PI4KA: variants seen among roughly 807,000 people sequenced by gnomAD.
The protein encoded by PI4KA is PI4-kinase alpha.
In PI4KA, 122 loss-of-function variants were observed where a neutral mutation model predicts 271.4. That is an observed-to-expected ratio of 0.45 (90% CI 0.39 to 0.52). PI4KA has a LOEUF of 0.52. Ranked by LOEUF, PI4KA falls within the 20% of genes least tolerant of loss-of-function variation. The pLI is 0.00. For missense variants in PI4KA, 1,969 were observed against 2,769.1 expected (o/e 0.71, Z 6.48); for synonymous variants, 1,041 against 1,078.8 (o/e 0.96, Z 0.69).
Position 20,734,507 on chromosome 22 carries a change from T to A in PI4KA, c.3788A>T (p.Lys1263Ile). The stretch of plus-strand genomic sequence containing the variant: ...TATCTCAGCAGAAAACAGGCCAAAT[T>A]TCTGCTCCACCGTCATGTGCCAGGC... ...AGAWHMTVEQ[K>I]FGLFSAEIKE... The change falls in exon 33 of 55, where the codon AAA becomes ATA. Residue 1263 changes from lysine to isoleucine, a missense_variant. Physicochemically the swap from Lys to Ile is moderately radical, Grantham distance 102. Transcript: ENST00000255882. 1.9e-6 allele frequency: 3 copies of A among 1,613,850 alleles called. No homozygotes were observed. Among genetic ancestry groups the A allele is most frequent in the Non-Finnish European group, 2.5e-6 (3 of 1,179,848 alleles).
At chr22:20,728,712 G>C (rs755560440) in intron 39 of PI4KA, among the ~76,000 whole-genome samples, 2 of 152,226 alleles carry the variant, frequency 1.3e-5, no homozygotes, top group African/African-American at 4.8e-5. Context: ...GCTGGAGAGA[G>C]GATGCAGTAC....
chr22:20,785,541 A>G (rs1934150153), intron 19 of PI4KA, among the ~76,000 whole-genome samples: 1 of 152,196 alleles, frequency 6.6e-6, no homozygotes, highest in Non-Finnish European at 1.5e-5. Context: ...CCGCCCCCTT[A>G]GGGATTGAGT....
intron 23 of PI4KA, among the ~76,000 whole-genome samples, chr22:20,757,964 A>G (rs1931490271): frequency 6.6e-6 from 1 of 152,184 alleles, no homozygotes; most frequent in Non-Finnish European, 1.5e-5. Context: ...GAACCAAAGA[A>G]TCGCAGGGTG....
At chr22:20,755,247 T>C (rs960109175) in intron 23 of PI4KA, among the ~76,000 whole-genome samples, 1 of 152,242 alleles carries the variant, frequency 6.6e-6, no homozygotes, top group African/African-American at 2.4e-5. Context: ...TCATTCCAGC[T>C]TTGGCCACTC....
rs541817504 is a variant in PI4KA, at chr22:20,751,904, G to A, written c.2988-149C>T. ...GGAGGCCCTTGCAGCAGGATGCCTGGCCTCCTCAGGCTCATTGCAGTAAGG... is the reference window on the plus strand; with the variant it reads ...GGAGGCCCTTGCAGCAGGATGCCTGACCTCCTCAGGCTCATTGCAGTAAGG... On this transcript the variant is annotated intron_variant, in intron 25 of 54. Transcript: ENST00000255882. 7.1e-5 allele frequency: 48 copies of A among 672,998 alleles called. No homozygotes were observed. The African/African-American group carries it at 7.5e-4, about 10-fold the overall frequency. The allele number at this position is 672,998 out of a possible 1,614,324, so 41.7% of individuals were successfully genotyped here.
At chr22:20,770,579 GACAC>G (rs528696021) in intron 19 of PI4KA, among the ~76,000 whole-genome samples, 28,136 of 95,744 alleles carry the variant, frequency 0.29, 4,330 homozygotes, top group Non-Finnish European at 0.36. Flanking sequence ...GCTGGACACG[GACAC>G]ACACACACAC....
intron 23 of PI4KA, among the ~76,000 whole-genome samples, chr22:20,759,711 G>A (rs935081319): frequency 3.3e-5 from 5 of 151,968 alleles, no homozygotes; most frequent in Non-Finnish European, 7.4e-5. Flanking sequence ...GACTACAGGC[G>A]CAGGCCACCA....
chr22:20,825,980 C>T (rs1923355755), intron 3 of PI4KA, among the ~76,000 whole-genome samples: 2 of 152,170 alleles, frequency 1.3e-5, no homozygotes, highest in Admixed American at 1.3e-4. Flanking sequence ...GAACATGCAG[C>T]GTTTGGTTTC....
intron 17 of PI4KA, among the ~76,000 whole-genome samples, chr22:20,796,784 C>G (rs946211435): frequency 6.6e-6 from 1 of 152,242 alleles, no homozygotes; most frequent in Non-Finnish European, 1.5e-5. Flanking sequence ...CACCTTGGAG[C>G]TGATGTCAGT....
At position 20,761,287 on chromosome 22, in the gene PI4KA, CATA is replaced by C; in HGVS notation, c.2791+14_2791+16del. The C allele has an allele frequency of 6.9e-7, 1 of 1,457,898 alleles. No individual in the cohort carries two copies. Among genetic ancestry groups the C allele is most frequent in the South Asian group, 1.1e-5 (1 of 87,818 alleles). The allele number at this position is 1,457,898 out of a possible 1,614,324, so 90.3% of individuals were successfully genotyped here. ...AAAGCTCAATTCATCATGAAAGCAC[CATA>C]ATAATGAGCTTACCAGATTTGTCTT... On this transcript the variant is annotated intron_variant, in intron 23 of 54. Coordinates refer to ENST00000255882, the MANE Select transcript of PI4KA (RefSeq NM_058004.4).
intron 3 of PI4KA, among the ~76,000 whole-genome samples, chr22:20,834,015 G>A (rs1924554938): frequency 6.6e-6 from 1 of 151,980 alleles, no homozygotes; most frequent in East Asian, 1.9e-4. Flanking sequence ...CGGCCTCCCA[G>A]AGTGCTAGAA....
intron 38 of PI4KA, 61 bp from the exon 39 acceptor site, chr22:20,729,567 C>T: frequency 1.9e-6 from 3 of 1,551,606 alleles, no homozygotes; most frequent in Non-Finnish European, 2.6e-6. Context: ...ACACACTGCC[C>T]CGGCCACCAG....
At chr22:20,772,873 T>C (rs551425176) in intron 19 of PI4KA, among the ~76,000 whole-genome samples, 2 of 152,346 alleles carry the variant, frequency 1.3e-5, no homozygotes, top group Admixed American at 1.3e-4. Flanking sequence ...GAGGATCACT[T>C]GAGCCCAAGA....
At chr22:20,744,772 G>T in intron 29 of PI4KA, 52 bp from the exon 30 acceptor site, 1 of 1,437,056 alleles carries the variant, frequency 7.0e-7, no homozygotes, top group Non-Finnish European at 9.8e-7. Context: ...TCCTTTCCTC[G>T]TGTTTACCAT....
intron 19 of PI4KA, among the ~76,000 whole-genome samples, chr22:20,774,455 G>A (rs972370152): frequency 2.0e-5 from 3 of 152,156 alleles, no homozygotes; most frequent in African/African-American, 7.2e-5. Flanking sequence ...TATTTTCCCT[G>A]AAGTATTAGT....
intron 19 of PI4KA, among the ~76,000 whole-genome samples, chr22:20,785,824 G>C (rs778844783): frequency 3.9e-5 from 6 of 152,118 alleles, no homozygotes; most frequent in Non-Finnish European, 7.4e-5. Context: ...TTTCAGTAGC[G>C]GAATTACAAA....
intron 9 of PI4KA, among the ~76,000 whole-genome samples, chr22:20,807,770 T>C (rs1414673127): frequency 2.0e-5 from 3 of 152,128 alleles, no homozygotes; most frequent in African/African-American, 4.8e-5. Context: ...GACAGGGACA[T>C]GGGAAGTGGT....
In PI4KA at chr22:20,753,042, G is replaced by T; in HGVS notation, c.2863-15C>A. The T allele has an allele frequency of 6.2e-7, 1 of 1,614,200 alleles. No individual in the cohort carries two copies. The highest frequency in any genetic ancestry group is 8.5e-7 in the Non-Finnish European group (1 of 1,180,028). Reference sequence around the variant, plus strand: ...TTGGTCTTGGCCTAGAGATGCAAAAGAAACAGGTACCGCAGTGCCCCAGAT... The same window carrying T: ...TTGGTCTTGGCCTAGAGATGCAAAATAAACAGGTACCGCAGTGCCCCAGAT... On this transcript the variant is annotated splice_polypyrimidine_tract_variant and intron_variant, in intron 24 of 54. Coordinates refer to ENST00000255882, the MANE Select transcript of PI4KA (RefSeq NM_058004.4).
intron 1 of PI4KA, among the ~76,000 whole-genome samples, chr22:20,843,075 G>A (rs910216318): frequency 2.7e-5 from 4 of 147,262 alleles, no homozygotes; most frequent in African/African-American, 1.0e-4. Flanking sequence ...TCCAGCCTGG[G>A]CGACAGAGCG....
Sources: allele counts gnomAD v4.1 joint callset (sites outside exome capture counted in the v4.1 genomes callset), GRCh38; gene constraint gnomAD v4.1.1; transcripts MANE v1.5; gene names NCBI Gene and HGNC (gene_info 2026-07-23, HGNC 2026-07-21).